AXL: variants seen among roughly 807,000 people sequenced by gnomAD.
The protein encoded by AXL is tyrosine-protein kinase receptor UFO.
Under a neutral mutation model 104.5 loss-of-function variants are expected in AXL, and 52 were observed. The ratio of observed to expected loss-of-function variants is 0.50; its 90% confidence interval spans 0.40 to 0.63. The LOEUF (loss-of-function observed/expected upper bound fraction) is 0.63, where lower values mean the gene tolerates loss of function less well. Ranked by LOEUF, AXL falls within the 20% of genes least tolerant of loss-of-function variation. The pLI, the probability that AXL is intolerant of heterozygous loss-of-function variation, is 0.00. For missense variants in AXL, 1,024 were observed against 1,188.5 expected, an observed-to-expected ratio of 0.86 and a Z score of 2.04; for synonymous variants, 455 against 473.7, an observed-to-expected ratio of 0.96 and a Z score of 0.51.
intron 6 of AXL, among the ~76,000 whole-genome samples, chr19:41,233,458 G>T (rs940730155): frequency 2.6e-5 from 4 of 151,382 alleles, no homozygotes; most frequent in Non-Finnish European, 5.9e-5. Flanking sequence ...GCTGAGGCAG[G>T]TCTGTACAAA....
chr19:41,245,275 G>A (rs77141799), intron 12 of AXL, among the ~76,000 whole-genome samples: 3,665 of 152,300 alleles, frequency 0.024, 162 homozygotes, highest in African/African-American at 0.083. Flanking sequence ...TTGGTAGAGA[G>A]ATAGAATCGA....
chr19:41,219,325 G>A lies in AXL; in HGVS notation c.-68G>A, dbSNP rs569949183. On this transcript the variant is annotated 5_prime_UTR_variant, in exon 1 of 20. Coordinates refer to ENST00000301178, the MANE Select transcript of AXL (RefSeq NM_021913.5). ...GGAGCCTGGAGCTGGGGGGAGGGCC[G>A]GGGACAGCCCGGCCCTGCCCCCTCC... 20 of 1,464,294 alleles carry A rather than the reference G, an allele frequency of 1.4e-5. No individual in the cohort carries two copies. The highest frequency in any genetic ancestry group is 5.0e-5 in the East Asian group (2 of 40,154). The allele number at this position is 1,464,294 out of a possible 1,614,324, so 90.7% of individuals were successfully genotyped here. A position where few individuals can be genotyped will look rare whatever the true frequency, so the allele number is the denominator to read the frequency against.
At chr19:41,239,640 A>C in intron 9 of AXL, 54 bp from the exon 10 acceptor site, 1 of 1,611,314 alleles carries the variant, frequency 6.2e-7, no homozygotes, top group Non-Finnish European at 8.5e-7. Context: ...TACCCGTGCC[A>C]CGCCAGTCTT....
chr19:41,219,869 A>G (rs1351130017), intron 1 of AXL, among the ~76,000 whole-genome samples: 2 of 151,396 alleles, frequency 1.3e-5, no homozygotes, highest in Admixed American at 6.6e-5. Flanking sequence ...AGGGCTCTGG[A>G]GCCCTGGGGG....
intron 6 of AXL, 33 bp downstream of exon 6, chr19:41,231,331 C>A: frequency 6.3e-7 from 1 of 1,575,290 alleles, no homozygotes; most frequent in Non-Finnish European, 8.7e-7. Flanking sequence ...ATTTCAGTCT[C>A]AGGCCTCCTT....
At chr19:41,246,828 A>ATT (rs774783954) in intron 12 of AXL, among the ~76,000 whole-genome samples, 68,516 of 152,000 alleles carry the variant, frequency 0.45, 16,393 homozygotes, top group African/African-American at 0.61. Context: ...TTGCTGGGTG[A>ATT]ACCACTGTGA....
intron 5 of AXL, 21 bp from the exon 6 acceptor site, chr19:41,231,162 A>G (rs1473616295): frequency 9.3e-6 from 15 of 1,610,460 alleles, no homozygotes; most frequent in South Asian, 2.2e-5. Flanking sequence ...CCCAGGGTCA[A>G]TCTCTCCCGT....
intron 4 of AXL, among the ~76,000 whole-genome samples, chr19:41,227,456 A>G (rs2033901893): frequency 1.3e-5 from 2 of 148,992 alleles, no homozygotes; most frequent in Non-Finnish European, 3.0e-5. Context: ...GCCTATCCGA[A>G]TTGCAGCCAT....
intron 3 of AXL, chr19:41,221,568 G>A (rs967016703): frequency 2.2e-5 from 11 of 497,076 alleles, no homozygotes; most frequent in South Asian, 8.4e-5. Flanking sequence ...GGCACGCAAC[G>A]TACCCCTGTC....
At chr19:41,257,242 C>T (rs1157481236) in intron 18 of AXL, among the ~76,000 whole-genome samples, 1 of 152,016 alleles carries the variant, frequency 6.6e-6, no homozygotes, top group Admixed American at 6.6e-5. Context: ...CGGGGTTTCA[C>T]TATATTGGCC....
chr19:41,254,390 A>AAAAAG (rs1555732477), intron 17 of AXL, among the ~76,000 whole-genome samples: 8 of 145,288 alleles, frequency 5.5e-5, no homozygotes, highest in African/African-American at 2.1e-4. Flanking sequence ...AAAAAAAAAA[A>AAAAAG]AAAGAAAGAA....
intron 17 of AXL, among the ~76,000 whole-genome samples, chr19:41,254,376 CA>C (rs34633761): frequency 0.15 from 11,788 of 81,004 alleles, 448 homozygotes; most frequent in African/African-American, 0.17. Flanking sequence ...GACTCTGTCT[CA>C]AAAAAAAAAA....
At position 41,242,945 on chromosome 19, in the gene AXL, G is replaced by A. The variant is rs138698106; in HGVS notation, c.1375G>A (p.Val459Met). The A allele has an allele frequency of 7.8e-5, 126 of 1,614,158 alleles. No individual in the cohort carries two copies. In the African/African-American group the frequency reaches 1.1e-3, roughly 14 times the overall value. Residue 459 changes from valine to methionine, a missense_variant, in exon 11 of 20, where the codon GTG (valine) becomes ATG (methionine). By Grantham distance (21) the Val-to-Met change is conservative. Around this residue, in one of 5 missense-constraint regions of AXL, gnomAD observed 523 missense variants for 636.0 expected, o/e 0.82. Coordinates refer to ENST00000301178, the MANE Select transcript of AXL (RefSeq NM_021913.5). ...GTGGTATGTACTGCTAGGAGCAGTC[G>A]TGGCCGCTGCCTGTGTCCTCATCTT... ...PWWYVLLGAV[V>M]AAACVLILAL...
chr19:41,229,941 G>T (rs368714737), intron 4 of AXL, among the ~76,000 whole-genome samples: 10 of 152,174 alleles, frequency 6.6e-5, no homozygotes, highest in African/African-American at 2.4e-4. Context: ...TTGTGCATGT[G>T]AGTGTGTGCA....
chr19:41,253,692 G>A lies in AXL; in HGVS notation c.2020G>A (p.Ala674Thr), dbSNP rs2122280477. 1 of 1,613,070 alleles carries A rather than the reference G, an allele frequency of 6.2e-7. No homozygotes were observed. The highest frequency in any genetic ancestry group is 8.5e-7 in the Non-Finnish European group (1 of 1,179,700). ...STKRFIHRDL[A>T]ARNCMLNENM... ...CAAGAGATTCATACACCGGGACCTG[G>A]CGGCCAGGAACTGCATGTGAGTGCC... Residue 674 changes from alanine (A) to threonine (T), a missense_variant, in exon 17 of 20, where the codon GCG becomes ACG. Transcript: ENST00000301178.
rs752117826 is a variant in AXL, at chr19:41,259,609, C to T, written c.2390C>T (p.Thr797Ile). 16 of 1,613,650 alleles carry T rather than the reference C, an allele frequency of 9.9e-6. No individual in the cohort carries two copies. The highest frequency in any genetic ancestry group is 1.3e-5 in the Non-Finnish European group (15 of 1,179,868). Residue 797 changes from threonine (T) to isoleucine (I), a missense_variant, in exon 20 of 20, where the codon ACA becomes ATA. By Grantham distance (89) the Thr-to-Ile change is moderately conservative (BLOSUM62 -1). Transcript: ENST00000301178. ...AATCCCCAGGACCGGCCAAGTTTTA[C>T]AGAGCTGCGGGAAGATTTGGAGAAC... ...ELNPQDRPSF[T>I]ELREDLENTL...
chr19:41,257,658 A>G, intron 19 of AXL, 29 bp downstream of exon 19: 2 of 1,613,340 alleles, frequency 1.2e-6, no homozygotes, highest in Non-Finnish European at 1.7e-6. Flanking sequence ...CCCCCAACCC[A>G]GAATTCATTC....
chr19:41,235,665 AGACTCTGGG>A (rs1164476175), intron 6 of AXL, among the ~76,000 whole-genome samples: 5 of 152,184 alleles, frequency 3.3e-5, no homozygotes, highest in African/African-American at 1.2e-4. Flanking sequence ...AGTAGAGCAA[AGACTCTGGG>A]GACAGGATGG....
chr19:41,243,503 A>G, intron 11 of AXL, 113 bp from the exon 12 acceptor site: 1 of 835,458 alleles, frequency 1.2e-6, no homozygotes, highest in Non-Finnish European at 2.1e-6. Flanking sequence ...AGCAAATGTT[A>G]GCACAGAGGG....
Sources: gnomAD v4.1 joint callset for allele counts (sites outside exome capture counted in the v4.1 genomes callset) on GRCh38, gnomAD v4.1.1 for gene constraint, gnomAD v4.1.1 regional missense constraint, MANE v1.5 for transcripts, NCBI Gene and HGNC (gene_info 2026-07-23, HGNC 2026-07-21) for gene names.